The following SGMS1 variants were observed in gnomAD, a reference collection of about 807,000 sequenced individuals.
SGMS1 encodes sphingomyelin synthase 1.
In SGMS1, 13 loss-of-function variants were observed where a neutral mutation model predicts 46.2. The ratio of observed to expected loss-of-function variants is 0.28; its 90% CI spans 0.18 to 0.45. The LOEUF (loss-of-function observed/expected upper bound fraction) is 0.45, where lower values mean the gene tolerates loss of function less well. SGMS1 is among the 20% of genes least tolerant of loss of function. SGMS1 has a pLI of 1.00. For missense variants in SGMS1, 324 were observed against 519.9 expected (o/e 0.62, Z 3.66); for synonymous variants, 203 against 187.8 (o/e 1.08, Z -0.66).
intron 5 of SGMS1, among the ~76,000 whole-genome samples, chr10:50,451,982 C>CTTTTTACATA (rs1205670315): frequency 1.3e-5 from 2 of 152,142 alleles, no homozygotes; most frequent in African/African-American, 4.8e-5. Context: ...GACTAAGGTA[C>CTTTTTACATA]TACAGAGTCT....
rs1462603463 is a variant in SGMS1 at position 50,305,789 on chromosome 10, A to C, written c.*1353T>G. ...AATACAAATATCACCTTGTGAATAC[A>C]CAAAAAAATCCTACGGAAGATAATT... is the stretch of plus-strand genomic sequence containing the variant. On this transcript the variant is annotated 3_prime_UTR_variant, in exon 11 of 11. Transcript: ENST00000361781. 3 of 152,846 alleles carry C rather than the reference A, an allele frequency of 2.0e-5. No homozygotes were observed. In the South Asian group the frequency reaches 6.2e-4, roughly 32 times the overall value. The allele number at this position is 152,846 out of a possible 1,614,324, so 9.5% of individuals were successfully genotyped here. A position where few individuals can be genotyped will look rare whatever the true frequency, so the allele number is the denominator to read the frequency against.
chr10:50,436,297 C>T (rs551579932), intron 5 of SGMS1, among the ~76,000 whole-genome samples: 8 of 151,992 alleles, frequency 5.3e-5, no homozygotes, highest in East Asian at 1.9e-4. Flanking sequence ...TTAGTAGAGA[C>T]GGGGTTTCAC....
chr10:50,312,882 G>A (rs1468266281), intron 8 of SGMS1, among the ~76,000 whole-genome samples: 2 of 152,168 alleles, frequency 1.3e-5, no homozygotes, highest in East Asian at 3.9e-4. Context: ...AGTTTGGGCT[G>A]GAAAGCAAAC....
At chr10:50,372,656 G>A (rs1589412126) in intron 6 of SGMS1, among the ~76,000 whole-genome samples, 1 of 152,014 alleles carries the variant, frequency 6.6e-6, no homozygotes. Flanking sequence ...TCATGCCACT[G>A]CACTCCAGCC....
chr10:50,453,888 A>C (rs1837154646), intron 5 of SGMS1, among the ~76,000 whole-genome samples: 2 of 141,638 alleles, frequency 1.4e-5, no homozygotes, highest in Non-Finnish European at 3.0e-5. Context: ...GAAGGGAGAA[A>C]GGGAGAAAAA....
intron 6 of SGMS1, among the ~76,000 whole-genome samples, chr10:50,355,481 G>A (rs1265179427): frequency 6.6e-6 from 1 of 152,314 alleles, no homozygotes; most frequent in Middle Eastern, 3.4e-3. Context: ...CGCCGTGTTG[G>A]CCGGGCTGGT....
chr10:50,307,852 A>G lies in SGMS1; in HGVS notation c.1062+130T>C. The G allele has an allele frequency of 3.6e-6, 3 of 830,192 alleles. 1 individual carries two copies. Among genetic ancestry groups the G allele is most frequent in the South Asian group, 3.3e-5 (2 of 60,042 alleles). 51.4% of individuals were successfully genotyped at this position (830,192 alleles called of 1,614,324 possible). A position where few individuals can be genotyped will look rare whatever the true frequency, so the allele number is the denominator to read the frequency against. The stretch of plus-strand genomic sequence containing the variant: ...AGAGAATCAATGTCACAAAAAAACA[A>G]TACAATCTTAGTTGATTACTACTTA... On this transcript the variant is annotated intron_variant, in intron 10 of 10. Coordinates refer to ENST00000361781, the MANE Select transcript of SGMS1 (RefSeq NM_147156.4). This position sits in a 1 kb window ranked among gnomAD's most constrained non-coding sequence, Gnocchi z 4.2.
intron 6 of SGMS1, among the ~76,000 whole-genome samples, chr10:50,422,849 A>C (rs1165036137): frequency 1.3e-5 from 2 of 152,230 alleles, no homozygotes; most frequent in Non-Finnish European, 2.9e-5. Context: ...AGCCTCTGTC[A>C]AAAGAGCCGT....
chr10:50,574,963 G>GTGTATATATA (rs1554793448), intron 2 of SGMS1, among the ~76,000 whole-genome samples: 20 of 99,864 alleles, frequency 2.0e-4, no homozygotes, highest in South Asian at 3.9e-4. Flanking sequence ...AAAATGTGGT[G>GTGTATATATA]TATATATATA....
At chr10:50,327,631 G>A (rs114944343) in intron 7 of SGMS1, among the ~76,000 whole-genome samples, 26 of 152,278 alleles carry the variant, frequency 1.7e-4, no homozygotes, top group African/African-American at 6.3e-4. Context: ...TGGAGCCCAC[G>A]CTGATTGGCC....
chr10:50,606,865 C>A (rs963946035), intron 1 of SGMS1, among the ~76,000 whole-genome samples: 1 of 152,190 alleles, frequency 6.6e-6, no homozygotes, highest in Admixed American at 6.5e-5. Context: ...CCTAGAATCT[C>A]CTGCATCCAT....
chr10:50,527,060 T>C lies in SGMS1; in HGVS notation c.-588-7139A>G, dbSNP rs1445942561. Among the ~76,000 whole-genome samples, 34 of 74,910 alleles carry C rather than the reference T, an allele frequency of 4.5e-4. 1 individual carries two copies. Among genetic ancestry groups the C allele is most frequent in the South Asian group, 2.3e-3 (4 of 1,756 alleles). 49.1% of individuals were successfully genotyped at this position (74,910 alleles called of 152,430 possible). On this transcript the variant is annotated intron_variant, in intron 2 of 10. Transcript: ENST00000361781. Reference sequence around the variant, plus strand: ...AGCTGGGTGACAGAGTGAGACTCTGTCTCAAAAAAAAAAAAAAAAAAAAAA... The same window carrying C: ...AGCTGGGTGACAGAGTGAGACTCTGCCTCAAAAAAAAAAAAAAAAAAAAAA...
rs867173248 is a variant in SGMS1 at position 50,623,785 on chromosome 10, G to A, written c.-762C>T. Reference sequence around the variant, plus strand: ...GGAATGAAATCCGGGGCAGGGCAGCGTCGGGGCTCCGCACCCCAATCGCGC... The same window carrying A: ...GGAATGAAATCCGGGGCAGGGCAGCATCGGGGCTCCGCACCCCAATCGCGC... On this transcript the variant is annotated 5_prime_UTR_variant, in exon 1 of 11. In the 5' UTR this introduces an upstream ATG that the reference lacks. Coordinates refer to ENST00000361781, the MANE Select transcript of SGMS1 (RefSeq NM_147156.4). 2.0e-6 allele frequency: 2 copies of A among 985,478 alleles called. No homozygotes were observed. Among genetic ancestry groups the A allele is most frequent in the East Asian group, 1.1e-4 (1 of 8,784 alleles). 61.0% of individuals were successfully genotyped at this position (985,478 alleles called of 1,614,324 possible).
At chr10:50,567,882 T>C (rs940263547) in intron 2 of SGMS1, among the ~76,000 whole-genome samples, 4 of 152,250 alleles carry the variant, frequency 2.6e-5, no homozygotes, top group Admixed American at 1.3e-4. Flanking sequence ...TCCAGAAATA[T>C]TAAATTTCTA....
chr10:50,622,723 G>A (rs1838865515), intron 1 of SGMS1, among the ~76,000 whole-genome samples: 2 of 152,306 alleles, frequency 1.3e-5, no homozygotes, highest in Non-Finnish European at 2.9e-5. Context: ...CGCTCCCTCC[G>A]GCCATGACAA....
chr10:50,487,166 G>C (rs1396183459), intron 3 of SGMS1, among the ~76,000 whole-genome samples: 1 of 152,214 alleles, frequency 6.6e-6, no homozygotes, highest in African/African-American at 2.4e-5. Flanking sequence ...AAAGGGTAGA[G>C]GGTGGAAGGA....
intron 2 of SGMS1, among the ~76,000 whole-genome samples, chr10:50,559,345 A>G (rs1838214687): frequency 6.6e-6 from 1 of 152,186 alleles, no homozygotes; most frequent in Admixed American, 6.5e-5. Context: ...CTACACTGTC[A>G]TTCCAAATCA....
At chr10:50,333,965 C>G (rs1452270208) in intron 7 of SGMS1, among the ~76,000 whole-genome samples, 1 of 152,162 alleles carries the variant, frequency 6.6e-6, no homozygotes, top group Non-Finnish European at 1.5e-5. Context: ...TCCCATTTTA[C>G]AGAAGGGGAA....
intron 8 of SGMS1, among the ~76,000 whole-genome samples, chr10:50,316,943 C>A (rs1420086022): frequency 6.6e-6 from 1 of 152,162 alleles, no homozygotes; most frequent in Non-Finnish European, 1.5e-5. Flanking sequence ...CCCTCCTAAC[C>A]GTGACACTTA....
Sources: gnomAD v4.1 joint callset for allele counts (sites outside exome capture counted in the v4.1 genomes callset) on GRCh38, gnomAD v4.1.1 for gene constraint, Gnocchi (gnomAD v3.1) non-coding constraint, MANE v1.5 for transcripts, NCBI Gene and HGNC (gene_info 2026-07-23, HGNC 2026-07-21) for gene names.